Variants in AGPAT4 observed in about 807,000 individuals in gnomAD.
The protein encoded by AGPAT4 is 1-acylglycerol-3-phosphate O-acyltransferase 4.
AGPAT4 carries 15 observed loss-of-function variants against 48.0 expected under a neutral mutation model. That is an observed-to-expected ratio of 0.31 (90% confidence interval 0.21 to 0.48). The LOEUF (loss-of-function observed/expected upper bound fraction) is 0.48, where lower values mean the gene tolerates loss of function less well. Ranked by LOEUF, AGPAT4 falls within the 20% of genes least tolerant of loss-of-function variation. AGPAT4 has a pLI of 0.99. For missense variants in AGPAT4, 314 were observed against 482.5 expected (o/e 0.65, Z 3.27); for synonymous variants, 178 against 198.7 (o/e 0.90, Z 0.88).
intron 3 of AGPAT4, among the ~76,000 whole-genome samples, chr6:161,156,049 C>T (rs1329741057): frequency 6.6e-6 from 1 of 152,174 alleles, no homozygotes; most frequent in Non-Finnish European, 1.5e-5. Flanking sequence ...CCTCTGATGA[C>T]CTGCTGCTAA....
intron 2 of AGPAT4, among the ~76,000 whole-genome samples, chr6:161,167,200 C>T (rs774999169): frequency 2.6e-5 from 4 of 151,966 alleles, no homozygotes; most frequent in Admixed American, 6.6e-5. Context: ...TAGGGGTGGG[C>T]GCCTGAGTGC....
rs760485831 is a variant in AGPAT4, at chr6:161,154,634, A to G, written c.349-324T>C. Among the ~76,000 whole-genome samples, 2 of 151,854 alleles carry G rather than the reference A, an allele frequency of 1.3e-5. No individual in the cohort carries two copies. The highest frequency in any genetic ancestry group is 2.4e-5 in the African/African-American group (1 of 41,318). ...TGACGATGCTCCCACCACCATCCAA[A>G]CGGTTTCTAGGTTATCACCGTCACA... On this transcript the variant is annotated intron_variant, in intron 3 of 8. Coordinates refer to ENST00000320285, the MANE Select transcript of AGPAT4 (RefSeq NM_020133.3). The surrounding 1 kb of genome is among the most constrained non-coding windows in gnomAD (Gnocchi z 7.8).
At position 161,262,604 on chromosome 6, in the gene AGPAT4, C is replaced by G. The variant is rs1276532227; in HGVS notation, c.-90+11334G>C. On this transcript the variant is annotated intron_variant, in intron 1 of 8. Transcript: ENST00000320285. The surrounding 1 kb of genome is among the most constrained non-coding windows in gnomAD (Gnocchi z 4.9). ...GTAAAAACACAGGCTTACTGGGGCT[C>G]TTAGGGGCTGAGTTCTCCCCTTCTG... 2.0e-5 allele frequency among the ~76,000 whole-genome samples: 3 copies of G among 152,104 alleles called. No individual in the cohort carries two copies. The highest frequency in any genetic ancestry group is 4.4e-5 in the Non-Finnish European group (3 of 68,024).
intron 2 of AGPAT4, among the ~76,000 whole-genome samples, chr6:161,194,681 GGTAT>G (rs1212429755): frequency 5.3e-5 from 8 of 151,780 alleles, no homozygotes; most frequent in Admixed American, 1.3e-4. Context: ...TAGATGCGTA[GGTAT>G]GTATGTATGT....
Position 161,154,406 on chromosome 6 carries a change from G to A in AGPAT4, c.349-96C>T, listed in dbSNP as rs770698401. 21 of 1,426,570 alleles carry A rather than the reference G, an allele frequency of 1.5e-5. No homozygotes were observed. Among genetic ancestry groups the A allele is most frequent in the Non-Finnish European group, 1.7e-5 (18 of 1,039,016 alleles). The allele number at this position is 1,426,570 out of a possible 1,614,324, so 88.4% of individuals were successfully genotyped here. ...CTGAAGTAGAAAAAGAGGAGGGGAC[G>A]TTCACACCAGACGCCTCGGGACAGT... is the stretch of plus-strand genomic sequence containing the variant. On this transcript the variant is annotated intron_variant, in intron 3 of 8. Coordinates refer to ENST00000320285, the MANE Select transcript of AGPAT4 (RefSeq NM_020133.3). This position sits in a 1 kb window ranked among gnomAD's most constrained non-coding sequence, Gnocchi z 7.8.
intron 1 of AGPAT4, among the ~76,000 whole-genome samples, chr6:161,237,200 G>A (rs1445440540): frequency 6.6e-6 from 1 of 152,194 alleles, no homozygotes. Flanking sequence ...CAGGTTCAAG[G>A]AGACATAATC....
intron 1 of AGPAT4, among the ~76,000 whole-genome samples, chr6:161,239,016 T>C (rs1297325409): frequency 6.6e-6 from 1 of 152,222 alleles, no homozygotes; most frequent in Non-Finnish European, 1.5e-5. Context: ...GAGAATAGAC[T>C]AATTAATACA....
Position 161,226,001 on chromosome 6 carries a change from A to G in AGPAT4, c.178+6035T>C, listed in dbSNP as rs1209680626. Among the ~76,000 whole-genome samples, 1 of 152,164 alleles carries G rather than the reference A, an allele frequency of 6.6e-6. No individual in the cohort carries two copies. The highest frequency in any genetic ancestry group is 1.5e-5 in the Non-Finnish European group (1 of 68,030). ...AGCTACTCTGAAGGGAGAGATGATC[A>G]GTTTTAGGATCATGTCCACCTACAG... On this transcript the variant is annotated intron_variant, in intron 2 of 8. Coordinates refer to ENST00000320285, the MANE Select transcript of AGPAT4 (RefSeq NM_020133.3). This position sits in a 1 kb window ranked among gnomAD's most constrained non-coding sequence, Gnocchi z 6.3.
In AGPAT4 at chr6:161,232,140, CCTGA is replaced by C; in HGVS notation, c.70_73del (p.Ser24GlyfsTer2). 1 of 1,614,088 alleles carries C rather than the reference CCTGA, an allele frequency of 6.2e-7. No homozygotes were observed. The highest frequency in any genetic ancestry group is 1.1e-5 in the South Asian group (1 of 91,070). On this transcript the variant is annotated frameshift_variant, in exon 2 of 9. Transcript: ENST00000320285. LOFTEE classifies it high-confidence loss of function. The surrounding 1 kb of genome is among the most constrained non-coding windows in gnomAD (Gnocchi z 6.8). ...GAGCTGAATGGTGTTGATGATTAGC[CCTGA>C]GGCAATAAAGACGTAGCAGAAGACC...
intron 2 of AGPAT4, among the ~76,000 whole-genome samples, chr6:161,167,347 T>C (rs1780131909): frequency 6.6e-6 from 1 of 152,152 alleles, no homozygotes. Context: ...TACCTCAGCC[T>C]CCTGAGTAGC....
rs563461768 is a variant in AGPAT4, at chr6:161,204,492, C to T, written c.178+27544G>A. Among the ~76,000 whole-genome samples, 15 of 152,240 alleles carry T rather than the reference C, an allele frequency of 9.9e-5. No homozygotes were observed. Among genetic ancestry groups the T allele is most frequent in the Admixed American group, 9.2e-4 (14 of 15,296 alleles). On this transcript the variant is annotated intron_variant, in intron 2 of 8. Coordinates refer to ENST00000320285, the MANE Select transcript of AGPAT4 (RefSeq NM_020133.3). This position sits in a 1 kb window ranked among gnomAD's most constrained non-coding sequence, Gnocchi z 4.4. ...TACTTCAGTTACTATTTAGTACCCC[C>T]TCCAAAATTCTCCCTTTCCAGCTAT...
rs1379069333 is a variant in AGPAT4 at position 161,143,775 on chromosome 6, A to G, written c.843+2749T>C. ...AGATGGTGCCTTTCCCATATTAAAGAGTATAACTGTGTCAGTGGTAGATGG... is the reference window on the plus strand; with the variant it reads ...AGATGGTGCCTTTCCCATATTAAAGGGTATAACTGTGTCAGTGGTAGATGG... On this transcript the variant is annotated intron_variant, in intron 7 of 8. Transcript: ENST00000320285. The surrounding 1 kb of genome is among the most constrained non-coding windows in gnomAD (Gnocchi z 4.7). 6.6e-6 allele frequency among the ~76,000 whole-genome samples: 1 copy of G among 152,230 alleles called. No individual in the cohort carries two copies. The highest frequency in any genetic ancestry group is 1.5e-5 in the Non-Finnish European group (1 of 68,036).
rs1781819098 is a variant in AGPAT4 at position 161,220,970 on chromosome 6, A to C, written c.178+11066T>G. The stretch of plus-strand genomic sequence containing the variant: ...GGCTAATTTTTTTTATTTTTAGTAG[A>C]GACGGGGTTTACCATGTTGGTCAGG... On this transcript the variant is annotated intron_variant, in intron 2 of 8. Transcript: ENST00000320285. This position sits in a 1 kb window ranked among gnomAD's most constrained non-coding sequence, Gnocchi z 6.0. Among the ~76,000 whole-genome samples the C allele has an allele frequency of 6.6e-6, 1 of 151,976 alleles. No individual in the cohort carries two copies. The highest frequency in any genetic ancestry group is 1.5e-5 in the Non-Finnish European group (1 of 68,004).
rs1322925761 is a variant in AGPAT4, at chr6:161,148,372, A to G, written c.767+815T>C. ...ACTTTGGCCGCCAGTCCACCAAAATATCTCCCAGGAAAGCCTGGACGTTTG... is the reference window on the plus strand; with the variant it reads ...ACTTTGGCCGCCAGTCCACCAAAATGTCTCCCAGGAAAGCCTGGACGTTTG... On this transcript the variant is annotated intron_variant, in intron 6 of 8. Transcript: ENST00000320285. The surrounding 1 kb of genome is among the most constrained non-coding windows in gnomAD (Gnocchi z 5.5). Among the ~76,000 whole-genome samples, 1 of 152,204 alleles carries G rather than the reference A, an allele frequency of 6.6e-6. No individual in the cohort carries two copies. The highest frequency in any genetic ancestry group is 1.5e-5 in the Non-Finnish European group (1 of 68,030).
At chr6:161,203,640 C>T (rs572717702) in intron 2 of AGPAT4, among the ~76,000 whole-genome samples, 2 of 152,128 alleles carry the variant, frequency 1.3e-5, no homozygotes, top group South Asian at 2.1e-4. Context: ...TCAAGTAATC[C>T]GCCCACCTCA....
chr6:161,257,323 A>T (rs1782969668), intron 1 of AGPAT4, among the ~76,000 whole-genome samples: 2 of 152,214 alleles, frequency 1.3e-5, no homozygotes, highest in African/African-American at 4.8e-5. Flanking sequence ...AGAGCCAGAC[A>T]CAGAACAATA....
In AGPAT4 at chr6:161,165,371, T is replaced by C. The variant is rs751662633; in HGVS notation, c.348+877A>G. Reference sequence around the variant, plus strand: ...GTCCTCCATGGCCTGATAGCCTCTGTCTCCAATCTTCTATATTCTAAACAC... The same window carrying C: ...GTCCTCCATGGCCTGATAGCCTCTGCCTCCAATCTTCTATATTCTAAACAC... On this transcript the variant is annotated intron_variant, in intron 3 of 8. Transcript: ENST00000320285. The surrounding 1 kb of genome is among the most constrained non-coding windows in gnomAD (Gnocchi z 5.5). 5.7e-4 allele frequency among the ~76,000 whole-genome samples: 86 copies of C among 152,108 alleles called. 2 individuals are homozygous for C. The highest frequency in any genetic ancestry group is 1.1e-3 in the Admixed American group (17 of 15,272).
In AGPAT4 at chr6:161,149,029, T is replaced by A; in HGVS notation, c.767+158A>T. Reference sequence around the variant, plus strand: ...TGGGACGGAAGGAGACTTCAGCAGATCATTCCAATAGTAGGATGTGTCAAA... The same window carrying A: ...TGGGACGGAAGGAGACTTCAGCAGAACATTCCAATAGTAGGATGTGTCAAA... On this transcript the variant is annotated intron_variant, in intron 6 of 8. Transcript: ENST00000320285. This position sits in a 1 kb window ranked among gnomAD's most constrained non-coding sequence, Gnocchi z 6.5. The A allele has an allele frequency of 1.6e-6, 1 of 610,950 alleles. No individual in the cohort carries two copies. The highest frequency in any genetic ancestry group is 2.0e-6 in the Non-Finnish European group (1 of 488,200). 37.8% of individuals were successfully genotyped at this position (610,950 alleles called of 1,614,324 possible). A position where few individuals can be genotyped will look rare whatever the true frequency, so the allele number is the denominator to read the frequency against.
rs1034936036 is a variant in AGPAT4 at position 161,225,798 on chromosome 6, C to G, written c.178+6238G>C. On this transcript the variant is annotated intron_variant, in intron 2 of 8. Coordinates refer to ENST00000320285, the MANE Select transcript of AGPAT4 (RefSeq NM_020133.3). The surrounding 1 kb of genome is among the most constrained non-coding windows in gnomAD (Gnocchi z 5.0). Reference sequence around the variant, plus strand: ...GGAAAAGGTTGTCCCAACAGATAAACTCGTGGGCCGCTTGCTCAGTCCAGG... The same window carrying G: ...GGAAAAGGTTGTCCCAACAGATAAAGTCGTGGGCCGCTTGCTCAGTCCAGG... 1.3e-5 allele frequency among the ~76,000 whole-genome samples: 2 copies of G among 152,198 alleles called. No individual in the cohort carries two copies. Among genetic ancestry groups the G allele is most frequent in the African/African-American group, 4.8e-5 (2 of 41,462 alleles).
Sources: gnomAD v4.1 joint callset for allele counts (sites outside exome capture counted in the v4.1 genomes callset) on GRCh38, gnomAD v4.1.1 for gene constraint, Gnocchi (gnomAD v3.1) non-coding constraint, MANE v1.5 for transcripts, NCBI Gene and HGNC (gene_info 2026-07-23, HGNC 2026-07-21) for gene names.